Variants in DPP6 observed in about 807,000 individuals in gnomAD.
The protein encoded by DPP6 is A-type potassium channel modulatory protein DPP6.
A neutral mutation model predicts 122.6 loss-of-function variants in DPP6; 69 were observed. The observed-to-expected ratio is 0.56, with a 90% confidence interval of 0.46 to 0.69. The LOEUF is 0.69. Ranked by LOEUF, DPP6 falls within the 30% of genes least tolerant of loss-of-function variation. The pLI is 0.00. For missense variants in DPP6, 928 were observed against 1,116.9 expected, an observed-to-expected ratio of 0.83 and a Z score of 2.41; for synonymous variants, 418 against 433.1, an observed-to-expected ratio of 0.97 and a Z score of 0.43.
chr7:154,465,248 T>G (rs1821680697), intron 2 of DPP6, among the ~76,000 whole-genome samples: 1 of 152,230 alleles, frequency 6.6e-6, no homozygotes. Flanking sequence ...AACACACAGT[T>G]GAAAAATTTT....
rs138104979 is a variant in DPP6 at position 154,426,568 on chromosome 7, G to A, written c.244-19646G>A. 3.9e-4 allele frequency among the ~76,000 whole-genome samples: 60 copies of A among 152,186 alleles called. No individual in the cohort carries two copies. In the South Asian group the frequency reaches 7.7e-3, roughly 19 times the overall value. On this transcript the variant is annotated intron_variant, in intron 1 of 25. Transcript: ENST00000377770. ...TCAGTGGGGTGCATCTCATTAGAAC[G>A]TTGTGATTGGGACATACAAGTGGAA...
the DPP6 span, among the ~76,000 whole-genome samples, chr7:153,750,171 G>A: frequency 6.6e-6 from 1 of 152,116 alleles, no homozygotes. Context: ...TGTAAGATGA[G>A]GATTTAAGGT....
intron 16 of DPP6, among the ~76,000 whole-genome samples, chr7:154,829,343 A>G (rs1257394032): frequency 2.0e-5 from 3 of 151,100 alleles, no homozygotes; most frequent in African/African-American, 7.3e-5. Flanking sequence ...TGATTGTGCC[A>G]CTGCAAGCCA....
At chr7:154,227,505 G>C (rs1001600408) in intron 1 of DPP6, among the ~76,000 whole-genome samples, 1 of 152,274 alleles carries the variant, frequency 6.6e-6, no homozygotes, top group Middle Eastern at 3.4e-3. Context: ...TGTGAATATA[G>C]TTAACAGTAT....
At chr7:153,940,345 A>G (rs1349664708) in intron 1 of DPP6, among the ~76,000 whole-genome samples, 1 of 152,100 alleles carries the variant, frequency 6.6e-6, no homozygotes, top group East Asian at 1.9e-4. Flanking sequence ...ATATGGACAA[A>G]ACACGCCGCA....
Position 154,483,244 on chromosome 7 carries a change from T to C in DPP6, c.457+8207T>C, listed in dbSNP as rs1823476329. 6.6e-6 allele frequency among the ~76,000 whole-genome samples: 1 copy of C among 152,018 alleles called. No homozygotes were observed. The highest frequency in any genetic ancestry group is 2.4e-5 in the African/African-American group (1 of 41,374). ...CCGATTTTGTAACGGCAGATGTAAATGAAAAACCACCCCACGGTGGCCACG... is the reference window on the plus strand; with the variant it reads ...CCGATTTTGTAACGGCAGATGTAAACGAAAAACCACCCCACGGTGGCCACG... On this transcript the variant is annotated intron_variant, in intron 3 of 25. Coordinates refer to ENST00000377770, the MANE Select transcript of DPP6 (RefSeq NM_130797.4). This position sits in a 1 kb window ranked among gnomAD's most constrained non-coding sequence, Gnocchi z 8.1.
chr7:154,503,702 T>C (rs1466432555), intron 3 of DPP6, among the ~76,000 whole-genome samples: 1 of 152,202 alleles, frequency 6.6e-6, no homozygotes, highest in African/African-American at 2.4e-5. Context: ...TGTGTAAAGG[T>C]TCCACAGATG....
intron 1 of DPP6, among the ~76,000 whole-genome samples, chr7:154,415,464 T>G (rs575442687): frequency 6.6e-6 from 1 of 152,270 alleles, no homozygotes; most frequent in Non-Finnish European, 1.5e-5. Flanking sequence ...GTGGCAACTT[T>G]GCAGAGTTTT....
the DPP6 span, among the ~76,000 whole-genome samples, chr7:153,836,716 T>G: frequency 6.6e-6 from 1 of 152,212 alleles, no homozygotes; most frequent in East Asian, 1.9e-4. Flanking sequence ...ATGAAGCTTC[T>G]TACAGTCTCT....
intron 1 of DPP6, among the ~76,000 whole-genome samples, chr7:153,955,517 C>T (rs2129024410): frequency 6.6e-6 from 1 of 152,288 alleles, no homozygotes; most frequent in East Asian, 1.9e-4. Context: ...CGGCTCACTG[C>T]AACCTCTGCC....
chr7:154,163,285 C>T (rs1797071127), intron 1 of DPP6, among the ~76,000 whole-genome samples: 1 of 152,020 alleles, frequency 6.6e-6, no homozygotes, highest in Admixed American at 6.5e-5. Context: ...CACCCAGACT[C>T]TGTGTGTTGC....
chr7:153,848,388 T>C, the DPP6 span, among the ~76,000 whole-genome samples: 1 of 151,954 alleles, frequency 6.6e-6, no homozygotes, highest in East Asian at 1.9e-4. Context: ...TTCCTTGTTA[T>C]CTGCTCTTAG....
intron 1 of DPP6, among the ~76,000 whole-genome samples, chr7:154,341,133 A>G (rs1809889719): frequency 6.6e-6 from 1 of 152,206 alleles, no homozygotes; most frequent in Non-Finnish European, 1.5e-5. Context: ...TGCTAACAAA[A>G]TTACTCTGTC....
At chr7:154,837,827 C>T (rs1801206581) in intron 16 of DPP6, among the ~76,000 whole-genome samples, 1 of 152,198 alleles carries the variant, frequency 6.6e-6, no homozygotes, top group African/African-American at 2.4e-5. Flanking sequence ...CATTTCTTTC[C>T]TTTCCCCAGT....
the DPP6 span, among the ~76,000 whole-genome samples, chr7:153,826,267 G>A: frequency 6.6e-6 from 1 of 152,176 alleles, no homozygotes; most frequent in Non-Finnish European, 1.5e-5. Context: ...TCAGCTTTGG[G>A]AATGGGCCTC....
chr7:154,242,795 C>T (rs943252166), intron 1 of DPP6, among the ~76,000 whole-genome samples: 6 of 152,186 alleles, frequency 3.9e-5, no homozygotes, highest in Non-Finnish European at 8.8e-5. Context: ...GATGAAGACT[C>T]ATTGCTGGTT....
upstream of DPP6, among the ~76,000 whole-genome samples, chr7:153,883,800 G>T (rs1048972841): frequency 5.9e-5 from 9 of 152,186 alleles, no homozygotes; most frequent in Admixed American, 2.0e-4. Flanking sequence ...ATTCAGGATT[G>T]CTTTGCTGTT....
chr7:154,503,793 A>G (rs1342098972), intron 3 of DPP6, among the ~76,000 whole-genome samples: 1 of 152,164 alleles, frequency 6.6e-6, no homozygotes, highest in Non-Finnish European at 1.5e-5. Flanking sequence ...CTCTAAATGA[A>G]AAACTGCGAT....
At chr7:154,558,416 ATT>A (rs1830193235) in intron 4 of DPP6, among the ~76,000 whole-genome samples, 1 of 152,228 alleles carries the variant, frequency 6.6e-6, no homozygotes, top group African/African-American at 2.4e-5. Flanking sequence ...ACCATGAGAC[ATT>A]AAACAGAGAC....
Sources: gnomAD v4.1 joint callset for allele counts (sites outside exome capture counted in the v4.1 genomes callset) on GRCh38, gnomAD v4.1.1 for gene constraint, Gnocchi (gnomAD v3.1) non-coding constraint, MANE v1.5 for transcripts, NCBI Gene and HGNC (gene_info 2026-07-23, HGNC 2026-07-21) for gene names.